Variants in ARMC2 observed in about 807,000 individuals in gnomAD.
ARMC2 encodes the protein armadillo repeat-containing protein 2.
In ARMC2, 67 loss-of-function variants were observed where a neutral mutation model predicts 90.3. The observed-to-expected ratio is 0.74, with a 90% CI of 0.61 to 0.91. The LOEUF (loss-of-function observed/expected upper bound fraction) is 0.91, where lower values mean the gene tolerates loss of function less well. ARMC2 is among the 40% of genes least tolerant of loss of function. The pLI is 0.00. For missense variants in ARMC2, 920 were observed against 1,030.9 expected (o/e 0.89, Z 1.47); for synonymous variants, 393 against 393.0 (o/e 1.00, Z 0.00).
intron 11 of ARMC2, among the ~76,000 whole-genome samples, chr6:108,930,044 T>C (rs768584272): frequency 6.6e-6 from 1 of 151,800 alleles, no homozygotes; most frequent in African/African-American, 2.4e-5. Flanking sequence ...GAAAGATTGC[T>C]TGAGTCTGGA....
At chr6:108,918,023 C>T (rs975374644) in intron 10 of ARMC2, among the ~76,000 whole-genome samples, 6 of 151,958 alleles carry the variant, frequency 3.9e-5, no homozygotes, top group Non-Finnish European at 2.9e-5. Flanking sequence ...CAGCAGGCCT[C>T]TCAAGTAGGA....
downstream of ARMC2, among the ~76,000 whole-genome samples, chr6:108,976,386 C>T (rs1036820050): frequency 2.6e-5 from 4 of 152,056 alleles, no homozygotes; most frequent in African/African-American, 9.7e-5. Context: ...GTACCAGTAC[C>T]ATGCTGTTTT....
the ARMC2 span, chr6:108,990,981 C>A: frequency 1.6e-6 from 1 of 626,020 alleles, no homozygotes; most frequent in Non-Finnish European, 2.7e-6. Context: ...ACTTACACTC[C>A]AATCTTTTTT....
rs1288737318 is a variant in ARMC2 at position 108,937,455 on chromosome 6, AG to A, written c.1596+458del. 2.6e-5 allele frequency among the ~76,000 whole-genome samples: 4 copies of A among 152,284 alleles called. No homozygotes were observed. The East Asian group carries it at 7.7e-4, about 30-fold the overall frequency. On this transcript the variant is annotated intron_variant, in intron 12 of 17. Transcript: ENST00000392644. ...CCACAGGGACTTCTGATGCAAATTA[AG>A]GTTTGCAGTTCCCCTGCACTGGATA...
intron 6 of ARMC2, 85 bp downstream of exon 6, chr6:108,894,628 G>A: frequency 5.1e-6 from 6 of 1,168,764 alleles, no homozygotes; most frequent in South Asian, 3.3e-5. Flanking sequence ...GTTGGCCACT[G>A]GAAACTTAAG....
At chr6:109,006,218 A>T in the ARMC2 span, among the ~76,000 whole-genome samples, 1 of 152,236 alleles carries the variant, frequency 6.6e-6, no homozygotes, top group Non-Finnish European at 1.5e-5. Context: ...CAAGAGTCTT[A>T]GATTAATCCT....
the ARMC2 span, among the ~76,000 whole-genome samples, chr6:109,036,899 A>G: frequency 6.6e-6 from 1 of 152,222 alleles, no homozygotes; most frequent in Non-Finnish European, 1.5e-5. Flanking sequence ...AGAGAGACAA[A>G]TAGGCATACT....
At chr6:108,951,092 T>C (rs557140544) in intron 12 of ARMC2, among the ~76,000 whole-genome samples, 29 of 152,328 alleles carry the variant, frequency 1.9e-4, no homozygotes, top group Admixed American at 1.9e-3. Context: ...AGTAAGAATT[T>C]TGTCTCCATT....
At chr6:108,975,086 C>T (rs953018248), downstream of ARMC2, among the ~76,000 whole-genome samples, 2 of 151,566 alleles carry the variant, frequency 1.3e-5, no homozygotes, top group African/African-American at 4.9e-5. Context: ...ATACATGTGC[C>T]GTAGTGGTTT....
chr6:108,879,133 C>A (rs111210424), intron 5 of ARMC2, among the ~76,000 whole-genome samples: 1 of 151,152 alleles, frequency 6.6e-6, no homozygotes, highest in African/African-American at 2.4e-5. Flanking sequence ...TCCATCCATC[C>A]GCTCATCTAT....
rs555703232 is a variant in ARMC2 at position 108,934,535 on chromosome 6, A to AT, written c.1497-2359dup. On this transcript the variant is annotated intron_variant, in intron 11 of 17. Coordinates refer to ENST00000392644, the MANE Select transcript of ARMC2 (RefSeq NM_032131.6). ...ATAAAATGGGTTGGGAGGTAATCCA[A>AT]TTTTTTCTCTTTCCTAGAAGAATTT... Among the ~76,000 whole-genome samples, 41 of 152,184 alleles carry AT rather than the reference A, an allele frequency of 2.7e-4. No homozygotes were observed. In the East Asian group the frequency reaches 7.3e-3, roughly 27 times the overall value.
At chr6:108,877,306 T>C (rs1026342862) in intron 5 of ARMC2, among the ~76,000 whole-genome samples, 2 of 152,186 alleles carry the variant, frequency 1.3e-5, no homozygotes, top group Non-Finnish European at 2.9e-5. Flanking sequence ...TGCTTAAAAC[T>C]TTTCCCCCAA....
chr6:108,878,450 G>A (rs916044980), intron 5 of ARMC2, among the ~76,000 whole-genome samples: 2 of 152,138 alleles, frequency 1.3e-5, no homozygotes, highest in Non-Finnish European at 2.9e-5. Flanking sequence ...GTGTGACAGC[G>A]GTCACCTGTG....
the ARMC2 span, among the ~76,000 whole-genome samples, chr6:109,014,270 A>G: frequency 6.6e-6 from 1 of 152,322 alleles, no homozygotes; most frequent in East Asian, 1.9e-4. Context: ...CAGGTTTTCT[A>G]GGCTGATAAT....
In ARMC2 at chr6:108,876,222, A is replaced by C. The variant is rs747343031; in HGVS notation, c.543A>C (p.Lys181Asn). 8.1e-6 allele frequency: 13 copies of C among 1,613,062 alleles called. No homozygotes were observed. In the South Asian group the frequency reaches 1.3e-4, roughly 16 times the overall value. Reference protein sequence around the residue: ...MVKINGIYLTKSNAICHLKSH... With the variant: ...MVKINGIYLTNSNAICHLKSH... Reference sequence around the variant, plus strand: ...AAATAAATGGGATTTATTTAACAAAATCAAATGCTATTTGCCACTTAAAGA... The same window carrying C: ...AAATAAATGGGATTTATTTAACAAACTCAAATGCTATTTGCCACTTAAAGA... The change falls in exon 5 of 18, where the codon AAA becomes AAC. Residue 181 changes from lysine to asparagine, a missense_variant. Coordinates refer to ENST00000392644, the MANE Select transcript of ARMC2 (RefSeq NM_032131.6).
At chr6:109,018,123 T>TG in the ARMC2 span, among the ~76,000 whole-genome samples, 1 of 152,222 alleles carries the variant, frequency 6.6e-6, no homozygotes, top group African/African-American at 2.4e-5. Flanking sequence ...TCCTTGTATA[T>TG]TATCAGTGGT....
chr6:108,879,781 G>A (rs1214279916), intron 5 of ARMC2: 1 of 381,508 alleles, frequency 2.6e-6, no homozygotes, highest in African/African-American at 2.1e-5. Flanking sequence ...TGTTCCTGAG[G>A]AGCCAGAATC....
At chr6:108,911,289 A>G (rs1264856968) in intron 9 of ARMC2, among the ~76,000 whole-genome samples, 1 of 152,236 alleles carries the variant, frequency 6.6e-6, no homozygotes, top group Non-Finnish European at 1.5e-5. Context: ...TTTAATATAT[A>G]GAAAAATGCA....
the ARMC2 span, among the ~76,000 whole-genome samples, chr6:109,009,754 G>A: frequency 6.6e-6 from 1 of 152,236 alleles, no homozygotes; most frequent in African/African-American, 2.4e-5. Context: ...CCCACGAACA[G>A]CTAATTCTCA....
Sources: allele counts gnomAD v4.1 joint callset (sites outside exome capture counted in the v4.1 genomes callset), GRCh38; gene constraint gnomAD v4.1.1; transcripts MANE v1.5; gene names NCBI Gene and HGNC (gene_info 2026-07-23, HGNC 2026-07-21).